ARHGEF10L: variants seen among roughly 807,000 people sequenced by gnomAD.
ARHGEF10L encodes the protein Rho guanine nucleotide exchange factor 10 like.
A neutral mutation model predicts 141.2 loss-of-function variants in ARHGEF10L; 69 were observed. The observed-to-expected ratio is 0.49, with a 90% CI of 0.40 to 0.60. The LOEUF is 0.60. ARHGEF10L is among the 20% of genes least tolerant of loss of function. ARHGEF10L has a pLI of 0.00. For missense variants in ARHGEF10L, 1,482 were observed against 1,734.3 expected (o/e 0.85, Z 2.58); for synonymous variants, 711 against 718.5 (o/e 0.99, Z 0.17).
chr1:17,555,252 T>A (rs1046265242), intron 1 of ARHGEF10L, among the ~76,000 whole-genome samples: 3 of 151,456 alleles, frequency 2.0e-5, no homozygotes, highest in Admixed American at 6.6e-5. Flanking sequence ...GAGTATTGAA[T>A]GCTTTTTTTT....
chr1:17,684,125 C>T (rs765875901), intron 26 of ARHGEF10L, among the ~76,000 whole-genome samples: 5 of 152,204 alleles, frequency 3.3e-5, no homozygotes, highest in Admixed American at 1.3e-4. Flanking sequence ...CCCCACTGCT[C>T]GCCGACAGCA....
chr1:17,543,090 C>A (rs921879464), intron 1 of ARHGEF10L, among the ~76,000 whole-genome samples: 1 of 152,212 alleles, frequency 6.6e-6, no homozygotes, highest in Non-Finnish European at 1.5e-5. Flanking sequence ...TTCTTCTTCT[C>A]TCTACCTCAG....
In ARHGEF10L at chr1:17,639,850, G is replaced by A; in HGVS notation, c.2172-352G>A. 2 of 1,366,014 alleles carry A rather than the reference G, an allele frequency of 1.5e-6. No individual in the cohort carries two copies. The highest frequency in any genetic ancestry group is 9.6e-7 in the Non-Finnish European group (1 of 1,038,898). 84.6% of individuals were successfully genotyped at this position (1,366,014 alleles called of 1,614,324 possible). ...CCTCTAGAGGCACGTGGTCAGACAT[G>A]TAAGGTGTCTAAGACCTGTGGACAG... is the stretch of plus-strand genomic sequence containing the variant. On this transcript the variant is annotated intron_variant, in intron 20 of 28. Transcript: ENST00000361221. This position sits in a 1 kb window ranked among gnomAD's most constrained non-coding sequence, Gnocchi z 4.3.
intron 6 of ARHGEF10L, among the ~76,000 whole-genome samples, chr1:17,604,202 A>G (rs948822962): frequency 3.3e-5 from 5 of 151,918 alleles, no homozygotes; most frequent in Non-Finnish European, 7.4e-5. Context: ...CATTTTACAG[A>G]CAAGGGAACG....
intron 1 of ARHGEF10L, among the ~76,000 whole-genome samples, chr1:17,577,979 G>A (rs1389250848): frequency 6.6e-6 from 1 of 152,178 alleles, no homozygotes; most frequent in Admixed American, 6.5e-5. Flanking sequence ...GGTGAAGAAA[G>A]GGGAGGACAT....
chr1:17,614,730 C>T lies in ARHGEF10L; in HGVS notation c.727-1364C>T, dbSNP rs563518997. On this transcript the variant is annotated intron_variant, in intron 8 of 28. Transcript: ENST00000361221. ...CCAAGCACAGCTTCTCTAGGATTGT[C>T]CCGTAGAAATGCAGGGCAGGCAGGG... is the stretch of plus-strand genomic sequence containing the variant. Among the ~76,000 whole-genome samples the T allele has an allele frequency of 2.0e-5, 3 of 152,236 alleles. No individual in the cohort carries two copies. In the East Asian group the frequency reaches 5.8e-4, roughly 29 times the overall value.
At chr1:17,548,503 G>A (rs1199500788) in intron 1 of ARHGEF10L, among the ~76,000 whole-genome samples, 1 of 151,932 alleles carries the variant, frequency 6.6e-6, no homozygotes, top group Non-Finnish European at 1.5e-5. Context: ...GATAAAGTAA[G>A]GTAGAGGGGT....
At chr1:17,545,536 A>G (rs1043330377) in intron 1 of ARHGEF10L, among the ~76,000 whole-genome samples, 1 of 152,224 alleles carries the variant, frequency 6.6e-6, no homozygotes, top group African/African-American at 2.4e-5. Flanking sequence ...TGACTTTGCC[A>G]TTGAGTAACC....
In ARHGEF10L at chr1:17,620,205, C is replaced by CAAA. The variant is rs71575849; in HGVS notation, c.942+776_942+778dup. Among the ~76,000 whole-genome samples the CAAA allele has an allele frequency of 2.1e-4, 25 of 117,458 alleles. 1 individual carries two copies. The highest frequency in any genetic ancestry group is 5.2e-4 in the Admixed American group (6 of 11,456). The allele number at this position is 117,458 out of a possible 152,430, so 77.1% of individuals were successfully genotyped here. A position where few individuals can be genotyped will look rare whatever the true frequency, so the allele number is the denominator to read the frequency against. ...TGACACAGCGAGTGAGACTCTGTCT[C>CAAA]AAAAAAAAAAAAAAAAAATGGCTTC... On this transcript the variant is annotated intron_variant, in intron 10 of 28. Transcript: ENST00000361221.
At chr1:17,516,783 TCC>T in the ARHGEF10L span, among the ~76,000 whole-genome samples, 1 of 152,032 alleles carries the variant, frequency 6.6e-6, no homozygotes, top group South Asian at 2.1e-4. Context: ...TCTGGCCAGG[TCC>T]CCGCCAACGA....
At chr1:17,555,738 C>T (rs1029207739) in intron 1 of ARHGEF10L, among the ~76,000 whole-genome samples, 2 of 152,178 alleles carry the variant, frequency 1.3e-5, no homozygotes, top group Non-Finnish European at 2.9e-5. Context: ...AGTCAACCCC[C>T]CTCTGGGGTC....
chr1:17,574,345 A>G (rs1259935550), intron 1 of ARHGEF10L, among the ~76,000 whole-genome samples: 1 of 152,278 alleles, frequency 6.6e-6, no homozygotes, highest in East Asian at 1.9e-4. Flanking sequence ...AGCTATTGTC[A>G]TTTCAAATTT....
At chr1:17,613,239 G>C in intron 8 of ARHGEF10L, 65 bp downstream of exon 8, 1 of 1,371,456 alleles carries the variant, frequency 7.3e-7, no homozygotes, top group Non-Finnish European at 1.0e-6. Context: ...TACCTCCAAG[G>C]GTTTTCCTGC....
intron 2 of ARHGEF10L, among the ~76,000 whole-genome samples, chr1:17,584,872 CA>C (rs1448871759): frequency 2.0e-5 from 3 of 152,138 alleles, no homozygotes; most frequent in African/African-American, 7.2e-5. Context: ...CACACACACA[CA>C]CACACACCCC....
intron 1 of ARHGEF10L, among the ~76,000 whole-genome samples, chr1:17,561,732 G>T (rs1311429106): frequency 6.6e-6 from 1 of 152,232 alleles, no homozygotes; most frequent in African/African-American, 2.4e-5. Flanking sequence ...GACTCACAAG[G>T]CTGGCCCTTC....
chr1:17,543,515 G>A (rs1472854511), intron 1 of ARHGEF10L, among the ~76,000 whole-genome samples: 1 of 152,096 alleles, frequency 6.6e-6, no homozygotes, highest in Admixed American at 6.5e-5. Context: ...CCCAGGAGGC[G>A]GAGGTTGCAG....
At chr1:17,562,275 G>A (rs2077573045) in intron 1 of ARHGEF10L, among the ~76,000 whole-genome samples, 1 of 152,182 alleles carries the variant, frequency 6.6e-6, no homozygotes, top group African/African-American at 2.4e-5. Context: ...AAATTGGCTG[G>A]GCGTGGTGGC....
At chr1:17,581,489 C>T (rs537821696) in intron 2 of ARHGEF10L, among the ~76,000 whole-genome samples, 2 of 152,214 alleles carry the variant, frequency 1.3e-5, no homozygotes, top group Admixed American at 6.5e-5. Flanking sequence ...GGAAATGGGC[C>T]CAGGGCTGTT....
At chr1:17,583,202 TAAAAAAAAA>T (rs59088704) in intron 2 of ARHGEF10L, among the ~76,000 whole-genome samples, 1 of 111,786 alleles carries the variant, frequency 8.9e-6, no homozygotes, top group Non-Finnish European at 1.8e-5. Context: ...GAGCTTCATT[TAAAAAAAAA>T]AAAAAAAAAA....
Sources: gnomAD v4.1 joint callset for allele counts (sites outside exome capture counted in the v4.1 genomes callset) on GRCh38, gnomAD v4.1.1 for gene constraint, Gnocchi (gnomAD v3.1) non-coding constraint, MANE v1.5 for transcripts, NCBI Gene and HGNC (gene_info 2026-07-23, HGNC 2026-07-21) for gene names.